The following IFT80 variants were observed in gnomAD, a reference collection of about 807,000 sequenced individuals.
The protein encoded by IFT80 is intraflagellar transport protein 80 homolog.
IFT80 carries 79 observed loss-of-function variants against 107.9 expected under a neutral mutation model. The ratio of observed to expected loss-of-function variants is 0.73; its 90% CI spans 0.61 to 0.88. The LOEUF is 0.88. IFT80 is among the 40% of genes least tolerant of loss of function. The probability of loss-of-function intolerance (pLI) is 0.00; values close to 1 mark genes in which losing one functional copy is unlikely to be tolerated. For missense variants in IFT80, 797 were observed against 914.2 expected, an observed-to-expected ratio of 0.87 and a Z score of 1.65; for synonymous variants, 299 against 300.9, an observed-to-expected ratio of 0.99 and a Z score of 0.07.
chr3:160,383,590 C>A, intron 2 of IFT80: 1 of 872,576 alleles, frequency 1.1e-6, no homozygotes, highest in Non-Finnish European at 1.4e-6. Flanking sequence ...ATAACAATGT[C>A]AAATTGCTAC....
chr3:160,345,571 G>C (rs1266534827), intron 8 of IFT80, among the ~76,000 whole-genome samples: 1 of 151,648 alleles, frequency 6.6e-6, no homozygotes, highest in African/African-American at 2.4e-5. Context: ...GCAGGCAACT[G>C]TAATCTCAGC....
Position 160,319,810 on chromosome 3 carries a change from A to G in IFT80, c.907T>C (p.Trp303Arg). 6.2e-7 allele frequency: 1 copy of G among 1,613,028 alleles called. No individual in the cohort carries two copies. The highest frequency in any genetic ancestry group is 1.3e-5 in the African/African-American group (1 of 74,952). ...GTTACTTGAAAATTTTTCCACTCCC[A>G]ATGTTGTTCCACCACATGTGCAAAA... is the stretch of plus-strand genomic sequence containing the variant. ...VVFAHVVEQHWEWKNFQVTLT... is the reference protein window; with the variant it reads ...VVFAHVVEQHREWKNFQVTLT... Residue 303 changes from tryptophan to arginine, a missense_variant, in exon 9 of 20, where the codon TGG (tryptophan) becomes CGG (arginine). Trp to Arg is a moderately radical substitution (Grantham distance 101). Coordinates refer to ENST00000326448, the MANE Select transcript of IFT80 (RefSeq NM_020800.3).
At chr3:160,389,466 G>T (rs1261424217) in intron 1 of IFT80, among the ~76,000 whole-genome samples, 1 of 144,560 alleles carries the variant, frequency 6.9e-6, no homozygotes, top group East Asian at 2.1e-4. Flanking sequence ...ATCTCCTAAA[G>T]ATATCCCTCC....
chr3:160,311,266 A>G (rs992291292), intron 9 of IFT80, among the ~76,000 whole-genome samples: 6 of 152,256 alleles, frequency 3.9e-5, no homozygotes, highest in Non-Finnish European at 8.8e-5. Context: ...TAAATAAATA[A>G]TAAGAAGTTG....
At position 160,313,800 on chromosome 3, in the gene IFT80, G is replaced by A. The variant is rs867285958; in HGVS notation, c.957+5960C>T. 1.1e-4 allele frequency among the ~76,000 whole-genome samples: 17 copies of A among 151,906 alleles called. No individual in the cohort carries two copies. In the South Asian group the frequency reaches 1.2e-3, roughly 11 times the overall value. On this transcript the variant is annotated intron_variant, in intron 9 of 19. Coordinates refer to ENST00000326448, the MANE Select transcript of IFT80 (RefSeq NM_020800.3). ...AATTTTTTGTATTTTTAGTAGAGACGGGGTTTCACTATGTTGGTCAGGCTG... is the reference window on the plus strand; with the variant it reads ...AATTTTTTGTATTTTTAGTAGAGACAGGGTTTCACTATGTTGGTCAGGCTG...
intron 3 of IFT80, 66 bp from the exon 4 acceptor site, chr3:160,377,606 C>CCTG: frequency 1.1e-6 from 1 of 880,404 alleles, no homozygotes; most frequent in South Asian, 1.4e-5. Context: ...TACTACTAGA[C>CCTG]TAAGTAATAG....
At chr3:160,262,340 G>A (rs1712923243) in intron 19 of IFT80, among the ~76,000 whole-genome samples, 1 of 152,128 alleles carries the variant, frequency 6.6e-6, no homozygotes, top group Admixed American at 6.5e-5. Context: ...AAATATATGG[G>A]AAGAAACTAA....
chr3:160,273,388 G>C (rs1157305634), intron 18 of IFT80, among the ~76,000 whole-genome samples: 1 of 148,820 alleles, frequency 6.7e-6, no homozygotes. Context: ...GTAGGAAAGA[G>C]ACAGAGTAGA....
At chr3:160,271,561 T>C (rs1713809521) in intron 18 of IFT80, among the ~76,000 whole-genome samples, 2 of 152,106 alleles carry the variant, frequency 1.3e-5, no homozygotes, top group Non-Finnish European at 2.9e-5. Flanking sequence ...AACAGATAAC[T>C]TGCTTACCTA....
intron 6 of IFT80, among the ~76,000 whole-genome samples, chr3:160,363,223 GACAA>G (rs1380417648): frequency 2.6e-5 from 4 of 150,982 alleles, no homozygotes; most frequent in Admixed American, 1.3e-4. Flanking sequence ...ATACACCAAT[GACAA>G]ACAGAGAGCC....
At chr3:160,345,187 T>C (rs1318310338) in intron 8 of IFT80, among the ~76,000 whole-genome samples, 5 of 152,154 alleles carry the variant, frequency 3.3e-5, no homozygotes, top group African/African-American at 1.2e-4. Context: ...GCAACCTAAG[T>C]GTCCATCAAC....
At chr3:160,284,904 T>C (rs966500166) in intron 13 of IFT80, among the ~76,000 whole-genome samples, 2 of 152,328 alleles carry the variant, frequency 1.3e-5, no homozygotes, top group Admixed American at 6.5e-5. Context: ...TGGAAGAATA[T>C]ATAAGAGATT....
At chr3:160,290,434 A>G (rs975492069) in intron 12 of IFT80, among the ~76,000 whole-genome samples, 16 of 151,824 alleles carry the variant, frequency 1.1e-4, no homozygotes, top group Admixed American at 9.8e-4. Flanking sequence ...AGAAAAAAAA[A>G]AAAGAAAAAA....
At chr3:160,346,927 G>C (rs73154559) in intron 8 of IFT80, among the ~76,000 whole-genome samples, 313 of 152,160 alleles carry the variant, frequency 2.1e-3, no homozygotes, top group Non-Finnish European at 3.5e-3. Context: ...CCCTGGGCAT[G>C]TATGTTACAT....
chr3:160,301,743 TA>T (rs939164211), intron 11 of IFT80, among the ~76,000 whole-genome samples: 72 of 152,110 alleles, frequency 4.7e-4, no homozygotes, highest in African/African-American at 1.5e-3. Context: ...ATGGCTGTTA[TA>T]TTTTTCCTTT....
chr3:160,356,340 A>G (rs1412607108), intron 7 of IFT80, among the ~76,000 whole-genome samples, 190 bp from the exon 8 acceptor site: 1 of 152,230 alleles, frequency 6.6e-6, no homozygotes, highest in Non-Finnish European at 1.5e-5. Context: ...AAACGTCTTT[A>G]CTATCACACA....
At chr3:160,277,501 T>G in intron 17 of IFT80, 23 bp from the exon 18 acceptor site, 3 of 1,580,426 alleles carry the variant, frequency 1.9e-6, no homozygotes, top group Non-Finnish European at 2.6e-6. Context: ...AGAAAAATAT[T>G]GAAGTAGATA....
At chr3:160,270,002 GCTTA>G (rs762602240) in intron 18 of IFT80, among the ~76,000 whole-genome samples, 75 of 151,828 alleles carry the variant, frequency 4.9e-4, no homozygotes, top group Non-Finnish European at 9.6e-4. Context: ...CTTTGGTTTG[GCTTA>G]CTATTTTTTT....
At chr3:160,339,455 A>C (rs1469506328) in intron 8 of IFT80, among the ~76,000 whole-genome samples, 1 of 152,138 alleles carries the variant, frequency 6.6e-6, no homozygotes, top group African/African-American at 2.4e-5. Flanking sequence ...TTGTTATACT[A>C]ATTTTTTGCC....
Sources: allele counts gnomAD v4.1 joint callset (sites outside exome capture counted in the v4.1 genomes callset), GRCh38; gene constraint gnomAD v4.1.1; transcripts MANE v1.5; gene names NCBI Gene and HGNC (gene_info 2026-07-23, HGNC 2026-07-21).